Variants in CLSTN2 observed in about 807,000 individuals in gnomAD.
CLSTN2 encodes calsyntenin 2, also known as calsyntenin-2.
Under a neutral mutation model 101.2 loss-of-function variants are expected in CLSTN2, and 48 were observed. The observed-to-expected ratio is 0.47, with a 90% CI of 0.38 to 0.60. The LOEUF is 0.60. Among genes scored for constraint, CLSTN2 ranks in the 20% least tolerant of loss-of-function variants. The probability of loss-of-function intolerance (pLI) is 0.00; values close to 1 mark genes in which losing one functional copy is unlikely to be tolerated. For missense variants in CLSTN2, 1,160 were observed against 1,238.2 expected (o/e 0.94, Z 0.95); for synonymous variants, 481 against 463.6 (o/e 1.04, Z -0.48).
chr3:140,001,436 T>C (rs2006836812), intron 1 of CLSTN2, among the ~76,000 whole-genome samples: 1 of 152,074 alleles, frequency 6.6e-6, no homozygotes, highest in African/African-American at 2.4e-5. Flanking sequence ...TCTGTGCCAG[T>C]TCTCCATTTT....
intron 2 of CLSTN2, among the ~76,000 whole-genome samples, chr3:140,280,884 G>A (rs1028261915): frequency 3.3e-5 from 5 of 152,148 alleles, no homozygotes; most frequent in Non-Finnish European, 7.3e-5. Context: ...ATTGGACCTG[G>A]GATGGCAAAT....
intron 8 of CLSTN2, among the ~76,000 whole-genome samples, chr3:140,473,324 G>A (rs965404478): frequency 1.4e-4 from 21 of 152,160 alleles, no homozygotes; most frequent in Admixed American, 1.3e-4. Flanking sequence ...TGTGGCAGAC[G>A]AAATAATGGT....
At chr3:140,394,826 A>G (rs1031424892) in intron 2 of CLSTN2, among the ~76,000 whole-genome samples, 3 of 152,176 alleles carry the variant, frequency 2.0e-5, no homozygotes, top group African/African-American at 7.2e-5. Context: ...TGTTATTATT[A>G]TTCATTTTGT....
intron 1 of CLSTN2, among the ~76,000 whole-genome samples, chr3:139,994,950 G>A (rs1244262240): frequency 6.6e-6 from 1 of 152,044 alleles, no homozygotes; most frequent in Admixed American, 6.5e-5. Context: ...CAAGTCCCAG[G>A]CCCAAAAGAC....
chr3:139,988,531 T>G (rs1049457924), intron 1 of CLSTN2, among the ~76,000 whole-genome samples: 8 of 152,080 alleles, frequency 5.3e-5, no homozygotes, highest in Non-Finnish European at 8.8e-5. Context: ...AAAGGAGGAA[T>G]AAGATATAGT....
chr3:140,440,784 C>T (rs2088755021), intron 5 of CLSTN2, among the ~76,000 whole-genome samples: 1 of 152,184 alleles, frequency 6.6e-6, no homozygotes, highest in African/African-American at 2.4e-5. Flanking sequence ...TTAATGTCCC[C>T]ATTCTATAAA....
At chr3:140,288,944 C>T (rs1297899395) in intron 2 of CLSTN2, among the ~76,000 whole-genome samples, 1 of 78,314 alleles carries the variant, frequency 1.3e-5, no homozygotes, top group Non-Finnish European at 2.9e-5. Flanking sequence ...CACTCTCCTC[C>T]CTGATCCCCC....
At chr3:140,239,364 A>G (rs575192043) in intron 2 of CLSTN2, among the ~76,000 whole-genome samples, 8 of 152,316 alleles carry the variant, frequency 5.3e-5, no homozygotes, top group Admixed American at 4.6e-4. Flanking sequence ...CATTTTATGT[A>G]CCACTAGGAA....
intron 2 of CLSTN2, among the ~76,000 whole-genome samples, chr3:140,233,235 A>T (rs2086386501): frequency 6.6e-6 from 1 of 152,044 alleles, no homozygotes; most frequent in Admixed American, 6.6e-5. Context: ...TCCCGCCTCT[A>T]GCTTTTATGC....
At chr3:139,966,911 G>T (rs896720829) in intron 1 of CLSTN2, among the ~76,000 whole-genome samples, 1 of 152,132 alleles carries the variant, frequency 6.6e-6, no homozygotes, top group Non-Finnish European at 1.5e-5. Flanking sequence ...GTGAGGCAGG[G>T]GATCATCACT....
chr3:140,563,508 C>T (rs1171837043), intron 15 of CLSTN2, among the ~76,000 whole-genome samples: 1 of 152,180 alleles, frequency 6.6e-6, no homozygotes, highest in East Asian at 1.9e-4. Context: ...TCTACACACA[C>T]TCACACACAC....
chr3:140,031,491 T>G (rs1216245833), intron 1 of CLSTN2, among the ~76,000 whole-genome samples: 1 of 152,216 alleles, frequency 6.6e-6, no homozygotes, highest in Non-Finnish European at 1.5e-5. Context: ...GAAATAGGGC[T>G]GGTATCCTTA....
At chr3:140,371,135 C>A (rs2087851543) in intron 2 of CLSTN2, among the ~76,000 whole-genome samples, 1 of 152,186 alleles carries the variant, frequency 6.6e-6, no homozygotes, top group Admixed American at 6.5e-5. Flanking sequence ...TCCCCTGGTA[C>A]TGAAGCTGCT....
chr3:140,221,269 TG>T (rs1706448503), intron 2 of CLSTN2, among the ~76,000 whole-genome samples: 1 of 152,238 alleles, frequency 6.6e-6, no homozygotes. Flanking sequence ...AAAACTCATT[TG>T]GTAAAAAAAT....
At chr3:140,513,183 G>A (rs1302780391) in intron 8 of CLSTN2, among the ~76,000 whole-genome samples, 2 of 152,142 alleles carry the variant, frequency 1.3e-5, no homozygotes, top group African/African-American at 4.8e-5. Context: ...CTTGTCTTGT[G>A]CCAGTTTTCA....
At chr3:140,043,211 C>G (rs1272992470) in intron 1 of CLSTN2, among the ~76,000 whole-genome samples, 1 of 152,086 alleles carries the variant, frequency 6.6e-6, no homozygotes, top group Non-Finnish European at 1.5e-5. Context: ...TTAATGATCG[C>G]CATTCTAACT....
At chr3:139,941,788 ATAT>A (rs1457622653) in intron 1 of CLSTN2, among the ~76,000 whole-genome samples, 2 of 152,228 alleles carry the variant, frequency 1.3e-5, no homozygotes, top group Admixed American at 6.5e-5. Flanking sequence ...GCCAGGTCAA[ATAT>A]TATTTCTGCA....
At chr3:140,166,834 G>A (rs190553081) in intron 1 of CLSTN2, among the ~76,000 whole-genome samples, 112 of 152,242 alleles carry the variant, frequency 7.4e-4, no homozygotes, top group Admixed American at 1.2e-3. Flanking sequence ...GTCCTAAAGG[G>A]GCATGATATG....
chr3:139,988,987 CCCT>C (rs1247520155), intron 1 of CLSTN2, among the ~76,000 whole-genome samples: 1 of 152,154 alleles, frequency 6.6e-6, no homozygotes, highest in Admixed American at 6.5e-5. Context: ...CAGCCATACT[CCCT>C]CCTCAGCAAG....
Sources: gnomAD v4.1 joint callset for allele counts (sites outside exome capture counted in the v4.1 genomes callset) on GRCh38, gnomAD v4.1.1 for gene constraint, MANE v1.5 for transcripts, NCBI Gene and HGNC (gene_info 2026-07-23, HGNC 2026-07-21) for gene names.